IGSF10: variants seen among roughly 807,000 people sequenced by gnomAD.
The protein encoded by IGSF10 is immunoglobulin superfamily member 10, also known as calvaria mechanical force protein 608.
IGSF10 carries 126 observed loss-of-function variants against 128.2 expected under a neutral mutation model. The observed-to-expected ratio is 0.98, with a 90% CI of 0.85 to 1.14. The LOEUF (loss-of-function observed/expected upper bound fraction) is 1.14, where lower values mean the gene tolerates loss of function less well. Among genes scored for constraint, IGSF10 ranks in the 50% most tolerant of loss-of-function variants. IGSF10 has a pLI of 0.00. For missense variants in IGSF10, 3,295 were observed against 3,149.8 expected, an observed-to-expected ratio of 1.05 and a Z score of -1.10; for synonymous variants, 1,185 against 1,146.2, an observed-to-expected ratio of 1.03 and a Z score of -0.68.
At chr3:151,553,172 T>C in the IGSF10 span, among the ~76,000 whole-genome samples, 3 of 152,292 alleles carry the variant, frequency 2.0e-5, no homozygotes, top group South Asian at 6.2e-4. Flanking sequence ...CGGTTATACA[T>C]CTGAGTGTTC....
the IGSF10 span, among the ~76,000 whole-genome samples, chr3:151,563,768 AC>A: frequency 4.6e-5 from 7 of 152,318 alleles, no homozygotes; most frequent in East Asian, 1.4e-3. Flanking sequence ...TTTTGGTTGA[AC>A]AAAAGCCATA....
At chr3:151,501,312 G>A in the IGSF10 span, among the ~76,000 whole-genome samples, 1 of 152,018 alleles carries the variant, frequency 6.6e-6, no homozygotes, top group African/African-American at 2.4e-5. Flanking sequence ...GCTGGAACAA[G>A]TTATTAGTTT....
At chr3:151,511,720 C>T in the IGSF10 span, among the ~76,000 whole-genome samples, 3,505 of 152,212 alleles carry the variant, frequency 0.023, 100 homozygotes, top group East Asian at 0.063. Flanking sequence ...TCAGGAAAAC[C>T]ATCTCACGTG....
At chr3:151,615,225 G>GT in the IGSF10 span, among the ~76,000 whole-genome samples, 1 of 151,852 alleles carries the variant, frequency 6.6e-6, no homozygotes, top group Non-Finnish European at 1.5e-5. Context: ...GAATGTCAAG[G>GT]TTTTTTTGTG....
rs752444473 is a variant in IGSF10 at position 151,445,303 on chromosome 3, A to G, written c.4678T>C (p.Ser1560Pro). Residue 1560 changes from serine (S) to proline (P), a missense_variant, in exon 6 of 8, where the codon TCA becomes CCA. Ser to Pro is a moderately conservative substitution (Grantham distance 74). Transcript: ENST00000282466. ...GATGGAGTTAATTTAGAATTCTGTG[A>G]TTTAACTGTTGTTAGTGCTGGCATG... ...TPMPALTTVK[S>P]QNSKLTPSPW... The G allele has an allele frequency of 3.1e-6, 5 of 1,614,092 alleles. No homozygotes were observed. In the South Asian group the frequency reaches 4.4e-5, roughly 14 times the overall value.
At chr3:151,599,674 T>A in the IGSF10 span, among the ~76,000 whole-genome samples, 1 of 152,218 alleles carries the variant, frequency 6.6e-6, no homozygotes, top group East Asian at 1.9e-4. Flanking sequence ...ACAAAATAAT[T>A]CTTCTTGTTA....
chr3:151,460,985 C>A lies in IGSF10; in HGVS notation c.-128G>T, dbSNP rs1462306719. The A allele has an allele frequency of 2.0e-6, 2 of 984,632 alleles. No individual in the cohort carries two copies. The highest frequency in any genetic ancestry group is 6.2e-5 in the Admixed American group (1 of 16,254). 61.0% of individuals were successfully genotyped at this position (984,632 alleles called of 1,614,324 possible). On this transcript the variant is annotated 5_prime_UTR_variant, in exon 1 of 8. Coordinates refer to ENST00000282466, the MANE Select transcript of IGSF10 (RefSeq NM_178822.5). ...GACCAATGGGCTCGAGCTGCCCGGG[C>A]TAGGTCCCGGGCTCGGTCCCGGGCT...
the IGSF10 span, among the ~76,000 whole-genome samples, chr3:151,517,887 A>G: frequency 6.6e-6 from 1 of 151,892 alleles, no homozygotes; most frequent in African/African-American, 2.4e-5. Context: ...ATAAGGAGGT[A>G]CCCTCTACTC....
chr3:151,565,126 T>A, the IGSF10 span, among the ~76,000 whole-genome samples: 1 of 152,140 alleles, frequency 6.6e-6, no homozygotes, highest in African/African-American at 2.4e-5. Flanking sequence ...AAGAACTCTC[T>A]AGTACTGGCA....
Position 151,447,839 on chromosome 3 carries a change from G to A in IGSF10, c.2142C>T (p.Ser714=). 6.2e-7 allele frequency: 1 copy of A among 1,614,128 alleles called. No homozygotes were observed. Among genetic ancestry groups the A allele is most frequent in the South Asian group, 1.1e-5 (1 of 91,080 alleles). The change falls in exon 6 of 8, where the codon AGC becomes AGT. Residue 714 remains serine, a synonymous_variant. Coordinates refer to ENST00000282466, the MANE Select transcript of IGSF10 (RefSeq NM_178822.5). ...CCCGATAGTTGTGCCTCTTACTTGTGCTTGAGGTGTGTTTTCCAACCTCAG... is the reference window on the plus strand; with the variant it reads ...CCCGATAGTTGTGCCTCTTACTTGTACTTGAGGTGTGTTTTCCAACCTCAG... ...MEAEVGKHTS[S]TSKRHNYREL...
At chr3:151,524,443 A>G in the IGSF10 span, among the ~76,000 whole-genome samples, 1 of 152,238 alleles carries the variant, frequency 6.6e-6, no homozygotes, top group Non-Finnish European at 1.5e-5. Context: ...AATCCTATGC[A>G]GCCATAAAAA....
chr3:151,482,584 A>T, the IGSF10 span, among the ~76,000 whole-genome samples: 1 of 152,214 alleles, frequency 6.6e-6, no homozygotes, highest in Non-Finnish European at 1.5e-5. Context: ...GATTATAGGG[A>T]TTCCATAGAA....
Position 151,448,327 on chromosome 3 carries a change from T to C in IGSF10, c.1654A>G (p.Ile552Val). ...TCTGCATCATCATAATTGCTGCTTA[T>C]ACAGTGATATACGCCTGTGTCAAAA... is the stretch of plus-strand genomic sequence containing the variant. Reference protein sequence around the residue: ...DSFDTGVYHCISSNYDDADIL... With the variant: ...DSFDTGVYHCVSSNYDDADIL... The change falls in exon 6 of 8, where the codon ATA becomes GTA. Residue 552 changes from isoleucine to valine, a missense_variant. Transcript: ENST00000282466. 1 of 1,614,240 alleles carries C rather than the reference T, an allele frequency of 6.2e-7. No individual in the cohort carries two copies. Among genetic ancestry groups the C allele is most frequent in the South Asian group, 1.1e-5 (1 of 91,086 alleles).
chr3:151,539,765 C>CATCTATCT, the IGSF10 span, among the ~76,000 whole-genome samples: 6,518 of 146,538 alleles, frequency 0.044, 159 homozygotes, highest in Middle Eastern at 0.075. Context: ...ATTTCAACAG[C>CATCTATCT]ATCTATCTAT....
In IGSF10 at chr3:151,446,636, G is replaced by A. The variant is rs1721209241; in HGVS notation, c.3345C>T (p.Asn1115=). Residue 1115 remains asparagine, a synonymous_variant, in exon 6 of 8, where the codon AAC becomes AAT. Transcript: ENST00000282466. ...LVQNPLLLLE[N]KPSVEKTTPT... is the part of the protein sequence containing the mutation. The stretch of plus-strand genomic sequence containing the variant: ...GTGTTGTTTTCTCTACACTGGGTTT[G>A]TTCTCAAGTAGTAATAGTGGATTCT... The A allele has an allele frequency of 6.2e-7, 1 of 1,613,910 alleles. No homozygotes were observed. The highest frequency in any genetic ancestry group is 1.3e-5 in the African/African-American group (1 of 74,914).
the IGSF10 span, among the ~76,000 whole-genome samples, chr3:151,522,284 T>A: frequency 4.6e-5 from 7 of 152,088 alleles, no homozygotes; most frequent in South Asian, 2.1e-4. Context: ...CTGGTATCAT[T>A]CCTACAGAAA....
the IGSF10 span, among the ~76,000 whole-genome samples, chr3:151,602,481 T>C: frequency 6.6e-6 from 1 of 152,206 alleles, no homozygotes; most frequent in South Asian, 2.1e-4. Context: ...GCTTAGACAA[T>C]AGTGACATGG....
chr3:151,531,297 A>T, the IGSF10 span, among the ~76,000 whole-genome samples: 1 of 152,196 alleles, frequency 6.6e-6, no homozygotes, highest in East Asian at 1.9e-4. Flanking sequence ...GTTAACAAGG[A>T]TATCCAGGAC....
chr3:151,579,035 G>A, the IGSF10 span, among the ~76,000 whole-genome samples: 8 of 152,292 alleles, frequency 5.3e-5, no homozygotes, highest in Middle Eastern at 3.4e-3. Context: ...AACCTTCTCT[G>A]AGGTTTAGAC....
Sources: gnomAD v4.1 joint callset for allele counts (sites outside exome capture counted in the v4.1 genomes callset) on GRCh38, gnomAD v4.1.1 for gene constraint, MANE v1.5 for transcripts, NCBI Gene and HGNC (gene_info 2026-07-23, HGNC 2026-07-21) for gene names.